TPGS2: variants seen among roughly 807,000 people sequenced by gnomAD.
The protein encoded by TPGS2 is tubulin polyglutamylase complex subunit 2, also known as polyglutamylase subunit 2.
TPGS2 carries 26 observed loss-of-function variants against 31.1 expected under a neutral mutation model. That is an observed-to-expected ratio of 0.84 (90% CI 0.61 to 1.16). The LOEUF is 1.16. Among genes scored for constraint, TPGS2 ranks in the 50% most tolerant of loss-of-function variants. TPGS2 has a pLI of 0.00. For missense variants in TPGS2, 351 were observed against 363.8 expected, an observed-to-expected ratio of 0.96 and a Z score of 0.29; for synonymous variants, 130 against 136.6, an observed-to-expected ratio of 0.95 and a Z score of 0.34.
chr18:36,828,987 G>A lies in TPGS2; in HGVS notation c.-220C>T, dbSNP rs2046340681. On this transcript the variant is annotated 5_prime_UTR_variant, in exon 1 of 7. It adds an upstream start codon to the 5' untranslated region. Transcript: ENST00000334295. ...GTGCCCCACACCGCACCTCCGGGAC[G>A]TAGCTTCCCCTTCGCCCCCACCCTC... 9.2e-7 allele frequency: 1 copy of A among 1,092,606 alleles called. No homozygotes were observed. The highest frequency in any genetic ancestry group is 1.2e-6 in the Non-Finnish European group (1 of 805,676). The allele number at this position is 1,092,606 out of a possible 1,614,324, so 67.7% of individuals were successfully genotyped here. A position where few individuals can be genotyped will look rare whatever the true frequency, so the allele number is the denominator to read the frequency against.
chr18:36,797,764 T>C (rs981880436), intron 6 of TPGS2, among the ~76,000 whole-genome samples: 3 of 151,710 alleles, frequency 2.0e-5, no homozygotes, highest in African/African-American at 7.3e-5. Flanking sequence ...CAAAAGTTTT[T>C]CCAGCCACAC....
chr18:36,781,773 C>G, downstream of TPGS2: 1 of 985,420 alleles, frequency 1.0e-6, no homozygotes, highest in Non-Finnish European at 1.2e-6. Flanking sequence ...TGCCTGTGTT[C>G]CCCTCTCTGC....
chr18:36,816,761 A>G (rs958831226), intron 2 of TPGS2, among the ~76,000 whole-genome samples: 3 of 152,140 alleles, frequency 2.0e-5, no homozygotes, highest in Non-Finnish European at 2.9e-5. Context: ...GGCGTGCACC[A>G]TCACGCCCGG....
chr18:36,795,849 C>T lies in TPGS2; in HGVS notation c.*956G>A. ...CAACTCAGAGCTGTGAAGAGGCAGG[C>T]AGAGCAGGTGGAAAGCTTCTGTTAA... On this transcript the variant is annotated 3_prime_UTR_variant, in exon 7 of 7. Transcript: ENST00000334295. 1.0e-6 allele frequency: 1 copy of T among 985,456 alleles called. No individual in the cohort carries two copies. The highest frequency in any genetic ancestry group is 1.7e-5 in the African/African-American group (1 of 57,364). The allele number at this position is 985,456 out of a possible 1,614,324, so 61.0% of individuals were successfully genotyped here. A position where few individuals can be genotyped will look rare whatever the true frequency, so the allele number is the denominator to read the frequency against.
intron 6 of TPGS2, among the ~76,000 whole-genome samples, chr18:36,784,004 T>C (rs1292512062): frequency 1.6e-4 from 24 of 151,986 alleles, no homozygotes; most frequent in Non-Finnish European, 1.5e-5. Context: ...TGGAGTGACA[T>C]GGCCACAAAC....
chr18:36,828,813 G>A lies in TPGS2; in HGVS notation c.-46C>T, dbSNP rs1208591518. On this transcript the variant is annotated 5_prime_UTR_variant, in exon 1 of 7. Coordinates refer to ENST00000334295, the MANE Select transcript of TPGS2 (RefSeq NM_015476.4). ...GCGCGGCGGGAGCGGGTGGAGGGCC[G>A]GACCCCGCCTCAGCGCCGAGGCCAA... The A allele has an allele frequency of 1.3e-6, 2 of 1,598,696 alleles. No individual in the cohort carries two copies. The highest frequency in any genetic ancestry group is 1.1e-5 in the South Asian group (1 of 90,548).
chr18:36,808,811 G>GAGAT (rs1295995159), intron 2 of TPGS2, among the ~76,000 whole-genome samples: 1 of 152,090 alleles, frequency 6.6e-6, no homozygotes. Context: ...ATCCCTTCAG[G>GAGAT]AGATACCAGG....
At chr18:36,799,165 C>T (rs2044680969) in intron 5 of TPGS2, among the ~76,000 whole-genome samples, 1 of 152,180 alleles carries the variant, frequency 6.6e-6, no homozygotes, top group South Asian at 2.1e-4. Flanking sequence ...TATCTTACTT[C>T]CTCTGCTGTC....
At chr18:36,827,922 A>T (rs2046248426) in intron 1 of TPGS2, among the ~76,000 whole-genome samples, 1 of 152,114 alleles carries the variant, frequency 6.6e-6, no homozygotes, top group Admixed American at 6.5e-5. Context: ...GAAACGTTTG[A>T]TAGGCCAGGC....
At chr18:36,804,220 C>T (rs146723265) in intron 4 of TPGS2, among the ~76,000 whole-genome samples, 2 of 152,292 alleles carry the variant, frequency 1.3e-5, no homozygotes, top group East Asian at 3.9e-4. Context: ...TTTAATGAGA[C>T]TTAGGTATAC....
At chr18:36,782,956 C>G (rs1226303435), downstream of TPGS2, 1 of 396,832 alleles carries the variant, frequency 2.5e-6, no homozygotes, top group African/African-American at 2.1e-5. Context: ...AGTGGCAGGA[C>G]AGACATGCTG....
chr18:36,817,081 AAG>A (rs1463807966), intron 2 of TPGS2, among the ~76,000 whole-genome samples: 7 of 152,246 alleles, frequency 4.6e-5, no homozygotes, highest in Non-Finnish European at 1.0e-4. Context: ...ATCAGCCAAT[AAG>A]AGTTTCATAG....
chr18:36,782,969 ACAGAGGTGAACC>A (rs1415615571), downstream of TPGS2: 1 of 397,332 alleles, frequency 2.5e-6, no homozygotes, highest in African/African-American at 2.1e-5. Flanking sequence ...ACATGCTGGG[ACAGAGGTGAACC>A]CAGAGCCCTG....
downstream of TPGS2, among the ~76,000 whole-genome samples, chr18:36,780,534 G>A (rs2043983663): frequency 6.6e-6 from 1 of 152,146 alleles, no homozygotes; most frequent in Non-Finnish European, 1.5e-5. Flanking sequence ...GTAATGATGG[G>A]GATATGTGCT....
At chr18:36,803,989 T>C (rs1489208741) in intron 4 of TPGS2, among the ~76,000 whole-genome samples, 1 of 152,068 alleles carries the variant, frequency 6.6e-6, no homozygotes, top group Non-Finnish European at 1.5e-5. Flanking sequence ...AGCCTCAAAC[T>C]CGTGGGCTCA....
intron 5 of TPGS2, 25 bp from the exon 6 acceptor site, chr18:36,798,634 A>G: frequency 1.2e-6 from 2 of 1,607,378 alleles, no homozygotes; most frequent in Non-Finnish European, 1.7e-6. Flanking sequence ...AAAGGAAGTA[A>G]AAGATAAAGA....
chr18:36,804,881 CT>C (rs1034919901), intron 4 of TPGS2, among the ~76,000 whole-genome samples: 1 of 152,076 alleles, frequency 6.6e-6, no homozygotes, highest in African/African-American at 2.4e-5. Context: ...GTTTACTCAT[CT>C]TTTTTCCTGA....
intron 2 of TPGS2, among the ~76,000 whole-genome samples, chr18:36,814,908 A>G (rs918166435): frequency 6.6e-6 from 1 of 152,240 alleles, no homozygotes; most frequent in African/African-American, 2.4e-5. Flanking sequence ...TGCCTTCCAT[A>G]GCTGAGTTTC....
chr18:36,820,429 T>TA (rs1241652090), intron 1 of TPGS2, among the ~76,000 whole-genome samples: 1 of 152,204 alleles, frequency 6.6e-6, no homozygotes, highest in Non-Finnish European at 1.5e-5. Flanking sequence ...AACTTTCAGA[T>TA]AGTAAGTTGC....
Sources: gnomAD v4.1 joint callset for allele counts (sites outside exome capture counted in the v4.1 genomes callset) on GRCh38, gnomAD v4.1.1 for gene constraint, MANE v1.5 for transcripts, NCBI Gene and HGNC (gene_info 2026-07-23, HGNC 2026-07-21) for gene names.